Variants in KLF5 observed in about 807,000 individuals in gnomAD.
KLF5 encodes KLF transcription factor 5.
A neutral mutation model predicts 36.9 loss-of-function variants in KLF5; 9 were observed. The ratio of observed to expected loss-of-function variants is 0.24; its 90% CI spans 0.15 to 0.43. The LOEUF (loss-of-function observed/expected upper bound fraction) is 0.43. KLF5 is among the 20% of genes least tolerant of loss of function. The pLI, the probability that KLF5 is intolerant of heterozygous loss-of-function variation, is 1.00. For missense variants in KLF5, 524 were observed against 599.5 expected (o/e 0.87, Z 1.31); for synonymous variants, 246 against 241.7 (o/e 1.02, Z -0.17).
chr13:73,059,206 A>G lies in KLF5; in HGVS notation c.-122A>G. Reference sequence around the variant, plus strand: ...GAAAACTGCCTGCCGCTGTCTGAGGAGTCCACCCGAAACCTCCCCTCCTCC... The same window carrying G: ...GAAAACTGCCTGCCGCTGTCTGAGGGGTCCACCCGAAACCTCCCCTCCTCC... On this transcript the variant is annotated 5_prime_UTR_variant, in exon 1 of 4. Coordinates refer to ENST00000377687, the MANE Select transcript of KLF5 (RefSeq NM_001730.5). The G allele has an allele frequency of 1.1e-6, 1 of 912,662 alleles. No individual in the cohort carries two copies. The allele number at this position is 912,662 out of a possible 1,614,324, so 56.5% of individuals were successfully genotyped here. A position where few individuals can be genotyped will look rare whatever the true frequency, so the allele number is the denominator to read the frequency against.
chr13:73,061,112 A>G (rs2044631914), intron 1 of KLF5, among the ~76,000 whole-genome samples: 1 of 152,138 alleles, frequency 6.6e-6, no homozygotes, highest in African/African-American at 2.4e-5. Context: ...CAAGGGAGTG[A>G]TTTTCCCCTA....
chr13:73,076,420 T>C lies in KLF5; in HGVS notation c.*534T>C, dbSNP rs2044762174. The C allele has an allele frequency of 6.5e-6, 1 of 152,678 alleles. No homozygotes were observed. Among genetic ancestry groups the C allele is most frequent in the African/African-American group, 2.4e-5 (1 of 41,456 alleles). 9.5% of individuals were successfully genotyped at this position (152,678 alleles called of 1,614,324 possible). ...ATATACATATATGAGTTGCCTATAT[T>C]TGCTATTCAAAATTTTGTAAATATG... On this transcript the variant is annotated 3_prime_UTR_variant, in exon 4 of 4. Transcript: ENST00000377687.
chr13:73,060,691 A>T (rs2044628333), intron 1 of KLF5: 2 of 152,248 alleles, frequency 1.3e-5, no homozygotes, highest in African/African-American at 4.8e-5. Context: ...TTTGAAATGA[A>T]GTAGTAGCAG....
intron 3 of KLF5, 100 bp downstream of exon 3, chr13:73,063,983 C>CATT: frequency 2.8e-6 from 1 of 351,436 alleles, no homozygotes; most frequent in Non-Finnish European, 5.0e-6. Context: ...CTCCTGTCAA[C>CATT]TTTGTTTTTT....
At chr13:73,068,022 G>A (rs2044693416) in intron 3 of KLF5, among the ~76,000 whole-genome samples, 1 of 151,678 alleles carries the variant, frequency 6.6e-6, no homozygotes, top group Non-Finnish European at 1.5e-5. Context: ...TGTATTTTTA[G>A]TGGAGACGGG....
upstream of KLF5, among the ~76,000 whole-genome samples, chr13:73,055,432 A>G (rs1267549884): frequency 1.3e-5 from 2 of 152,210 alleles, no homozygotes; most frequent in Non-Finnish European, 2.9e-5. Flanking sequence ...ATATTTTTTC[A>G]TCACAAAAGC....
In KLF5 at chr13:73,076,983, A is replaced by T. The variant is rs1017772838; in HGVS notation, c.*1097A>T. The T allele has an allele frequency of 2.0e-5, 3 of 152,554 alleles. No individual in the cohort carries two copies. The highest frequency in any genetic ancestry group is 7.2e-5 in the African/African-American group (3 of 41,460). 9.5% of individuals were successfully genotyped at this position (152,554 alleles called of 1,614,324 possible). A position where few individuals can be genotyped will look rare whatever the true frequency, so the allele number is the denominator to read the frequency against. ...TCTAAATTACAGTGCAGTTTAGTTAATCTATTAATACTGACTCAGTGTCTG... is the reference window on the plus strand; with the variant it reads ...TCTAAATTACAGTGCAGTTTAGTTATTCTATTAATACTGACTCAGTGTCTG... On this transcript the variant is annotated 3_prime_UTR_variant, in exon 4 of 4. Coordinates refer to ENST00000377687, the MANE Select transcript of KLF5 (RefSeq NM_001730.5).
chr13:73,060,922 T>G (rs563223355), intron 1 of KLF5, among the ~76,000 whole-genome samples: 1 of 152,316 alleles, frequency 6.6e-6, no homozygotes, highest in Non-Finnish European at 1.5e-5. Flanking sequence ...ATTTGGTTAT[T>G]TCAGTTTGTC....
chr13:73,062,393 C>T lies in KLF5; in HGVS notation c.794C>T (p.Thr265Ile). The change falls in exon 2 of 4, where the codon ACA becomes ATA. Residue 265 changes from threonine (T) to isoleucine (I), a missense_variant. Transcript: ENST00000377687. ...SMSAAMAGLN[T>I]HTSAVPQTAV... ...TCAGCTGCCATGGCAGGCCTTAACA[C>T]ACACACCTCTGCTGTTCCGCAGACT... The T allele has an allele frequency of 1.2e-6, 2 of 1,614,218 alleles. No individual in the cohort carries two copies. The highest frequency in any genetic ancestry group is 1.7e-6 in the Non-Finnish European group (2 of 1,180,044).
upstream of KLF5, among the ~76,000 whole-genome samples, chr13:73,058,256 C>T (rs756472807): frequency 6.6e-6 from 1 of 152,194 alleles, no homozygotes; most frequent in African/African-American, 2.4e-5. Flanking sequence ...CCCAAGCCCT[C>T]CTCCCCACAC....
chr13:73,067,903 C>T (rs149845173), intron 3 of KLF5, among the ~76,000 whole-genome samples: 5,889 of 149,970 alleles, frequency 0.039, 169 homozygotes, highest in Middle Eastern at 0.065. Flanking sequence ...TGCAATGGTG[C>T]GATCTCGGCT....
At chr13:73,068,289 T>G (rs1321427411) in intron 3 of KLF5, among the ~76,000 whole-genome samples, 3 of 152,192 alleles carry the variant, frequency 2.0e-5, no homozygotes, top group Non-Finnish European at 4.4e-5. Context: ...GCAGAAGACT[T>G]TATTGCCTAC....
chr13:73,062,787 GTGTC>G (rs939681490), intron 2 of KLF5, 53 bp downstream of exon 2: 14 of 1,520,758 alleles, frequency 9.2e-6, no homozygotes, highest in East Asian at 6.8e-5. Flanking sequence ...GTGTGTGTGT[GTGTC>G]TGTGTGCGCG....
chr13:73,071,319 G>C (rs1208193202), intron 3 of KLF5, among the ~76,000 whole-genome samples: 1 of 152,130 alleles, frequency 6.6e-6, no homozygotes, highest in Non-Finnish European at 1.5e-5. Flanking sequence ...TTTTGTTTTT[G>C]TTTTTGGCAA....
rs2044770465 is a variant in KLF5 at position 73,077,242 on chromosome 13, G to T, written c.*1356G>T. On this transcript the variant is annotated 3_prime_UTR_variant, in exon 4 of 4. Coordinates refer to ENST00000377687, the MANE Select transcript of KLF5 (RefSeq NM_001730.5). ...TTTTAGAAGACAATTTTCATAACTT[G>T]ATAAATTATAGTTTTGTTTGTTAGA... 6.6e-6 allele frequency: 1 copy of T among 152,548 alleles called. No individual in the cohort carries two copies. Among genetic ancestry groups the T allele is most frequent in the African/African-American group, 2.4e-5 (1 of 41,422 alleles). The allele number at this position is 152,548 out of a possible 1,614,324, so 9.4% of individuals were successfully genotyped here.
At chr13:73,057,359 G>A (rs2044589032), upstream of KLF5, among the ~76,000 whole-genome samples, 1 of 151,772 alleles carries the variant, frequency 6.6e-6, no homozygotes, top group Non-Finnish European at 1.5e-5. Context: ...GAGAAAAGCA[G>A]GACAGCTTTT....
chr13:73,073,138 G>C (rs1010106858), intron 3 of KLF5, among the ~76,000 whole-genome samples: 2 of 152,190 alleles, frequency 1.3e-5, no homozygotes, highest in Middle Eastern at 3.2e-3. Flanking sequence ...AAGTCAGTTT[G>C]GTTTCCCAGA....
Position 73,062,144 on chromosome 13 carries a change from C to G in KLF5, c.545C>G (p.Pro182Arg), listed in dbSNP as rs2044641179. ...QSETTAPPPAPTQALPEFTSI... is the reference protein window; with the variant it reads ...QSETTAPPPARTQALPEFTSI... ...GAAACGACTGCCCCTCCTCCGGCCCCGACCCAGGCCCTCCCTGAGTTCACC... is the reference window on the plus strand; with the variant it reads ...GAAACGACTGCCCCTCCTCCGGCCCGGACCCAGGCCCTCCCTGAGTTCACC... The change falls in exon 2 of 4, where the codon CCG (proline) becomes CGG (arginine). Residue 182 changes from proline (P) to arginine (R), a missense_variant. Pro to Arg is a moderately radical substitution (Grantham distance 103). This residue lies in a region of KLF5 where 454 missense variants were observed against 458.1 expected (regional missense o/e 0.99). Transcript: ENST00000377687. The G allele has an allele frequency of 6.2e-7, 1 of 1,614,114 alleles. No homozygotes were observed. Among genetic ancestry groups the G allele is most frequent in the Non-Finnish European group, 8.5e-7 (1 of 1,180,024 alleles).
rs1323791490 is a variant in KLF5 at position 73,075,816 on chromosome 13, G to A, written c.1304G>A (p.Cys435Tyr). The A allele has an allele frequency of 6.2e-7, 1 of 1,612,726 alleles. No homozygotes were observed. The highest frequency in any genetic ancestry group is 8.5e-7 in the Non-Finnish European group (1 of 1,178,830). The change falls in exon 4 of 4, where the codon TGC becomes TAC. Residue 435 changes from cysteine to tyrosine, a missense_variant. Transcript: ENST00000377687. ...CACACAGGCGCCAAGCCCTTCCAGTGCGGGGTGTGCAACCGCAGCTTCTCG... is the reference window on the plus strand; with the variant it reads ...CACACAGGCGCCAAGCCCTTCCAGTACGGGGTGTGCAACCGCAGCTTCTCG... ...RKHTGAKPFQ[C>Y]GVCNRSFSRS...
Sources: gnomAD v4.1 joint callset for allele counts (sites outside exome capture counted in the v4.1 genomes callset) on GRCh38, gnomAD v4.1.1 for gene constraint, gnomAD v4.1.1 regional missense constraint, MANE v1.5 for transcripts, NCBI Gene and HGNC (gene_info 2026-07-23, HGNC 2026-07-21) for gene names.